The following PRDM15 variants were observed in gnomAD, a reference collection of about 807,000 sequenced individuals.
PRDM15 encodes PR domain zinc finger protein 15.
A neutral mutation model predicts 128.6 loss-of-function variants in PRDM15; 64 were observed. The observed-to-expected ratio is 0.50, with a 90% confidence interval of 0.41 to 0.61. PRDM15 has a LOEUF of 0.61. PRDM15 is among the 20% of genes least tolerant of loss of function. The pLI, the probability that PRDM15 is intolerant of heterozygous loss-of-function variation, is 0.00. For missense variants in PRDM15, 1,242 were observed against 1,569.1 expected (o/e 0.79, Z 3.52); for synonymous variants, 615 against 621.8 (o/e 0.99, Z 0.16).
intron 1 of PRDM15, chr21:41,871,410 C>T (rs1269888522): frequency 2.4e-6 from 3 of 1,271,714 alleles, no homozygotes; most frequent in African/African-American, 3.0e-5. Context: ...CACTGTCCCT[C>T]TTAAGCAGCA....
At chr21:41,836,853 C>A (rs2146590910) in intron 8 of PRDM15, 1 of 446,758 alleles carries the variant, frequency 2.2e-6, no homozygotes, top group East Asian at 3.7e-5. Flanking sequence ...CATTAGGCAG[C>A]TTTAGCTGCA....
intron 1 of PRDM15, among the ~76,000 whole-genome samples, chr21:41,877,915 A>T (rs985109763): frequency 5.3e-5 from 8 of 152,258 alleles, no homozygotes. Context: ...TAAATTATAG[A>T]GCTACTATTT....
chr21:41,856,834 T>C (rs2063649502), intron 4 of PRDM15, among the ~76,000 whole-genome samples: 1 of 152,154 alleles, frequency 6.6e-6, no homozygotes, highest in Non-Finnish European at 1.5e-5. Flanking sequence ...TGGAAATAAC[T>C]AGAGCGATGG....
At chr21:41,855,351 T>C (rs938299658) in intron 4 of PRDM15, among the ~76,000 whole-genome samples, 1 of 152,214 alleles carries the variant, frequency 6.6e-6, no homozygotes, top group Non-Finnish European at 1.5e-5. Flanking sequence ...GCTTTATGGA[T>C]TAAATGCAGG....
chr21:41,815,628 C>T, intron 19 of PRDM15, 77 bp downstream of exon 19: 5 of 1,568,910 alleles, frequency 3.2e-6, no homozygotes, highest in Non-Finnish European at 4.3e-6. Flanking sequence ...CAAGGCGGCT[C>T]TCTCTTCTCC....
intron 6 of PRDM15, among the ~76,000 whole-genome samples, chr21:41,843,316 C>T (rs1445508531): frequency 6.6e-6 from 1 of 152,126 alleles, no homozygotes; most frequent in African/African-American, 2.4e-5. Flanking sequence ...TTGGGCCATT[C>T]TTCCTGGAGC....
chr21:41,866,814 G>A (rs1025655558), intron 1 of PRDM15, among the ~76,000 whole-genome samples: 4 of 152,134 alleles, frequency 2.6e-5, no homozygotes, highest in Non-Finnish European at 5.9e-5. Flanking sequence ...GGTGCGACCG[G>A]GGCCTGCACA....
intron 11 of PRDM15, 70 bp downstream of exon 11, chr21:41,835,367 A>ACGGTCTCCGCGGCGTATCTAGAATC: frequency 7.8e-7 from 1 of 1,275,242 alleles, no homozygotes; most frequent in Non-Finnish European, 1.1e-6. Flanking sequence ...CTAAAGTTCC[A>ACGGTCTCCGCGGCGTATCTAGAATC]CGGTCTCCGC....
chr21:41,861,850 G>A lies in PRDM15; in HGVS notation c.-9-1478C>T, dbSNP rs1305913718. ...GAGAGTTCCAATTTGCCCTTAAAAT[G>A]CCAGAAATAACAAGGGGAGGGGGGT... On this transcript the variant is annotated intron_variant, in intron 1 of 23. Transcript: ENST00000398548. The A allele has an allele frequency of 1.8e-5, 29 of 1,574,266 alleles. No individual in the cohort carries two copies. The Admixed American group carries it at 4.5e-4, about 24-fold the overall frequency.
chr21:41,812,123 C>T (rs1411822498), intron 19 of PRDM15: 2 of 152,228 alleles, frequency 1.3e-5, no homozygotes, highest in Non-Finnish European at 2.9e-5. Context: ...TAAGACTCCA[C>T]CTTCCAAGGG....
chr21:41,806,033 TCACCAC>T (rs1568879899), intron 21 of PRDM15, among the ~76,000 whole-genome samples: 123 of 14,188 alleles, frequency 8.7e-3, no homozygotes, highest in South Asian at 0.014. Flanking sequence ...ACCACCACCA[TCACCAC>T]CACCATCACC....
At chr21:41,878,837 C>A in intron 1 of PRDM15, 1 of 923,372 alleles carries the variant, frequency 1.1e-6, no homozygotes, top group Non-Finnish European at 1.2e-6. Flanking sequence ...GGCCGCGGGG[C>A]CGCGGGCCGG....
chr21:41,818,359 G>A (rs371638940), intron 18 of PRDM15, among the ~76,000 whole-genome samples: 4 of 152,376 alleles, frequency 2.6e-5, no homozygotes, highest in South Asian at 4.1e-4. Flanking sequence ...GTGGCTCTGC[G>A]AGGACCGGCT....
intron 6 of PRDM15, among the ~76,000 whole-genome samples, chr21:41,843,545 C>T (rs1278934798): frequency 6.6e-6 from 1 of 152,220 alleles, no homozygotes. Flanking sequence ...CTGAGCCCCA[C>T]CTTTCCCAAA....
rs1304483620 is a variant in PRDM15, at chr21:41,854,356, G to A, written c.538+210C>T. ...AAACACTGCCTCACTGTGTTAACTTGTGTTACATCCACGTGCCCAAACTGA... is the reference window on the plus strand; with the variant it reads ...AAACACTGCCTCACTGTGTTAACTTATGTTACATCCACGTGCCCAAACTGA... On this transcript the variant is annotated intron_variant, in intron 5 of 23. Transcript: ENST00000398548. The surrounding 1 kb of genome is among the most constrained non-coding windows in gnomAD (Gnocchi z 4.6). 6.6e-6 allele frequency among the ~76,000 whole-genome samples: 1 copy of A among 152,264 alleles called. No individual in the cohort carries two copies. Among genetic ancestry groups the A allele is most frequent in the Middle Eastern group, 3.4e-3 (1 of 294 alleles).
intron 11 of PRDM15, chr21:41,834,535 G>C: frequency 6.5e-7 from 1 of 1,549,726 alleles, no homozygotes; most frequent in Non-Finnish European, 8.7e-7. Context: ...CTGCCGCCGG[G>C]CCCCCCCTCT....
rs879857610 is a variant in PRDM15, at chr21:41,820,974, G to C, written c.2060+93C>G. On this transcript the variant is annotated intron_variant, in intron 16 of 23. Transcript: ENST00000398548. The stretch of plus-strand genomic sequence containing the variant: ...ACCCAGAGGACATCACTTGTTGGAA[G>C]CTACAAATGGCTCCTTATAGCATGT... The C allele has an allele frequency of 9.3e-6, 14 of 1,508,112 alleles. No individual in the cohort carries two copies. In the East Asian group the frequency reaches 3.2e-4, roughly 34 times the overall value. The allele number at this position is 1,508,112 out of a possible 1,614,324, so 93.4% of individuals were successfully genotyped here. A position where few individuals can be genotyped will look rare whatever the true frequency, so the allele number is the denominator to read the frequency against.
Position 41,831,786 on chromosome 21 carries a change from G to T in PRDM15, c.1367-3453C>A, listed in dbSNP as rs1373738387. On this transcript the variant is annotated intron_variant, in intron 11 of 23. Coordinates refer to ENST00000398548, the MANE Select transcript of PRDM15 (RefSeq NM_001040424.3). ...GACAGTGGGAGGTGGCCTCTGCCAG[G>T]GCTGAACACAGTAGAGGTGGCCCTG... Among the ~76,000 whole-genome samples, 39 of 152,276 alleles carry T rather than the reference G, an allele frequency of 2.6e-4. 1 individual carries two copies. The highest frequency in any genetic ancestry group is 6.5e-4 in the Admixed American group (10 of 15,308).
At chr21:41,820,355 C>T (rs943982651) in intron 16 of PRDM15, among the ~76,000 whole-genome samples, 181 bp from the exon 17 acceptor site, 3 of 152,328 alleles carry the variant, frequency 2.0e-5, no homozygotes, top group African/African-American at 4.8e-5. Flanking sequence ...ATTCCTACAT[C>T]GAAGTCTTAA....
Sources: gnomAD v4.1 joint callset for allele counts (sites outside exome capture counted in the v4.1 genomes callset) on GRCh38, gnomAD v4.1.1 for gene constraint, Gnocchi (gnomAD v3.1) non-coding constraint, MANE v1.5 for transcripts, NCBI Gene and HGNC (gene_info 2026-07-23, HGNC 2026-07-21) for gene names.